Variants in LRP1B observed in about 807,000 individuals in gnomAD.
LRP1B encodes the protein LDL receptor related protein 1B.
LRP1B carries 217 observed loss-of-function variants against 556.6 expected under a neutral mutation model. That is an observed-to-expected ratio of 0.39 (90% CI 0.35 to 0.44). LRP1B has a LOEUF of 0.44. LRP1B is among the 20% of genes least tolerant of loss of function. The pLI, the probability that LRP1B is intolerant of heterozygous loss-of-function variation, is 1.00. For missense variants in LRP1B, 5,053 were observed against 5,620.8 expected, an observed-to-expected ratio of 0.90 and a Z score of 3.23; for synonymous variants, 2,047 against 1,865.8, an observed-to-expected ratio of 1.10 and a Z score of -2.50.
chr2:142,051,231 G>A (rs946603378), intron 1 of LRP1B, among the ~76,000 whole-genome samples: 1 of 152,042 alleles, frequency 6.6e-6, no homozygotes, highest in Admixed American at 6.6e-5. Flanking sequence ...CACGTAGGAG[G>A]TTGCTGGAAT....
intron 6 of LRP1B, among the ~76,000 whole-genome samples, chr2:141,208,662 T>C (rs1682395224): frequency 6.6e-6 from 1 of 151,626 alleles, no homozygotes; most frequent in African/African-American, 2.4e-5. Context: ...GGTCAGGAGA[T>C]GGAGACCATC....
At chr2:141,897,620 T>A (rs1418857176) in intron 1 of LRP1B, among the ~76,000 whole-genome samples, 1 of 152,196 alleles carries the variant, frequency 6.6e-6, no homozygotes. Context: ...AGTTCCATTT[T>A]GTCTATGCCA....
intron 6 of LRP1B, among the ~76,000 whole-genome samples, chr2:141,214,063 C>T (rs1445935562): frequency 1.3e-5 from 2 of 151,888 alleles, no homozygotes; most frequent in African/African-American, 2.4e-5. Flanking sequence ...TATTTTTGAT[C>T]GATGGTTGGC....
intron 1 of LRP1B, among the ~76,000 whole-genome samples, chr2:142,111,181 G>T (rs1468685636): frequency 6.6e-6 from 1 of 152,114 alleles, no homozygotes; most frequent in Non-Finnish European, 1.5e-5. Flanking sequence ...AATGCTTAGT[G>T]TGTGTTAGGA....
chr2:141,022,260 T>C (rs567159032), intron 11 of LRP1B, among the ~76,000 whole-genome samples: 1,576 of 151,560 alleles, frequency 0.01, 30 homozygotes, highest in African/African-American at 0.035. Context: ...CCTAGATTAT[T>C]TTTTAAGGTT....
chr2:140,643,108 C>T (rs1401359995), intron 41 of LRP1B, among the ~76,000 whole-genome samples: 1 of 152,092 alleles, frequency 6.6e-6, no homozygotes, highest in Non-Finnish European at 1.5e-5. Context: ...TAAAGCCTAT[C>T]ATTCAGCTAT....
chr2:141,103,535 T>TC (rs1553460368), intron 7 of LRP1B, among the ~76,000 whole-genome samples: 5 of 152,002 alleles, frequency 3.3e-5, no homozygotes, highest in African/African-American at 4.8e-5. Context: ...TCTCTCTCTC[T>TC]TAAAAAGTTC....
chr2:141,752,455 C>T (rs777055313), intron 2 of LRP1B, among the ~76,000 whole-genome samples: 1 of 152,142 alleles, frequency 6.6e-6, no homozygotes, highest in African/African-American at 2.4e-5. Context: ...CTCGATGATG[C>T]TCTTTTGGGT....
chr2:141,193,157 T>C (rs558974763), intron 6 of LRP1B, among the ~76,000 whole-genome samples: 1 of 152,082 alleles, frequency 6.6e-6, no homozygotes, highest in South Asian at 2.1e-4. Flanking sequence ...GTTCAACCAT[T>C]GTAGAAAGCA....
intron 1 of LRP1B, among the ~76,000 whole-genome samples, chr2:142,002,361 C>G (rs558195444): frequency 2.6e-5 from 4 of 151,582 alleles, no homozygotes; most frequent in South Asian, 4.2e-4. Context: ...AAATTAACAT[C>G]CTGTCACAGA....
intron 3 of LRP1B, among the ~76,000 whole-genome samples, chr2:141,432,870 ATCT>A (rs1259720356): frequency 6.6e-6 from 1 of 151,512 alleles, no homozygotes; most frequent in Non-Finnish European, 1.5e-5. Flanking sequence ...TGCTCCATTG[ATCT>A]TCTCTCTCTT....
chr2:141,898,567 A>G (rs761803361), intron 1 of LRP1B, among the ~76,000 whole-genome samples: 19 of 152,270 alleles, frequency 1.2e-4, no homozygotes, highest in South Asian at 2.1e-4. Flanking sequence ...AACCAATCCA[A>G]ATTCACATAT....
chr2:140,956,984 G>A (rs1405705502), intron 18 of LRP1B, among the ~76,000 whole-genome samples: 14 of 151,704 alleles, frequency 9.2e-5, no homozygotes, highest in Admixed American at 9.2e-4. Flanking sequence ...GAATGAATGA[G>A]TGAGTGAATG....
intron 2 of LRP1B, among the ~76,000 whole-genome samples, chr2:141,722,776 A>AGATAGATAGATAGATC (rs766368532): frequency 6.7e-6 from 1 of 148,214 alleles, no homozygotes; most frequent in Non-Finnish European, 1.5e-5. Flanking sequence ...ATAGATAGAT[A>AGATAGATAGATAGATC]GATCAATCTA....
chr2:141,008,306 G>GT (rs1259890711), intron 14 of LRP1B, among the ~76,000 whole-genome samples: 6 of 151,066 alleles, frequency 4.0e-5, no homozygotes, highest in Middle Eastern at 7.0e-3. Flanking sequence ...TACAAGGAAG[G>GT]TTTTATCTCA....
intron 1 of LRP1B, among the ~76,000 whole-genome samples, chr2:142,011,791 T>C (rs1035192686): frequency 1.4e-4 from 22 of 152,196 alleles, no homozygotes; most frequent in African/African-American, 4.6e-4. Flanking sequence ...TAAATATGTA[T>C]TGACTTGCTT....
At chr2:141,454,971 T>C (rs1286778877) in intron 3 of LRP1B, among the ~76,000 whole-genome samples, 1 of 151,134 alleles carries the variant, frequency 6.6e-6, no homozygotes, top group African/African-American at 2.4e-5. Flanking sequence ...GCTTTGTAAA[T>C]GTATTTTTTT....
chr2:141,528,045 T>C (rs2105186335), intron 2 of LRP1B, among the ~76,000 whole-genome samples: 1 of 152,092 alleles, frequency 6.6e-6, no homozygotes, highest in South Asian at 2.1e-4. Context: ...AGTTCTCTTG[T>C]TGGCCTCTGA....
At chr2:140,837,686 A>G (rs1307407970) in intron 31 of LRP1B, among the ~76,000 whole-genome samples, 1 of 152,000 alleles carries the variant, frequency 6.6e-6, no homozygotes, top group African/African-American at 2.4e-5. Flanking sequence ...AACTATCACC[A>G]AGGACAAAAA....
Sources: allele counts gnomAD v4.1 joint callset (sites outside exome capture counted in the v4.1 genomes callset), GRCh38; gene constraint gnomAD v4.1.1; transcripts MANE v1.5; gene names NCBI Gene and HGNC (gene_info 2026-07-23, HGNC 2026-07-21).